Variants in PRR7 observed in about 807,000 individuals in gnomAD.
PRR7 encodes the protein proline-rich protein 7.
A neutral mutation model predicts 18.5 loss-of-function variants in PRR7; 8 were observed. The ratio of observed to expected loss-of-function variants is 0.43; its 90% CI spans 0.25 to 0.78. PRR7 has a LOEUF of 0.78. PRR7 is among the 30% of genes least tolerant of loss of function. The pLI, the probability that PRR7 is intolerant of heterozygous loss-of-function variation, is 0.22. For missense variants in PRR7, 396 were observed against 403.1 expected, an observed-to-expected ratio of 0.98 and a Z score of 0.15; for synonymous variants, 221 against 187.7, an observed-to-expected ratio of 1.18 and a Z score of -1.45.
chr5:177,453,179 T>C (rs1264631534), intron 1 of PRR7, among the ~76,000 whole-genome samples: 1 of 152,218 alleles, frequency 6.6e-6, no homozygotes, highest in African/African-American at 2.4e-5. Context: ...CCTTGAAAGA[T>C]ATTTCTAATT....
chr5:177,455,621 G>T lies in PRR7; in HGVS notation c.428-103G>T. 1 of 1,400,794 alleles carries T rather than the reference G, an allele frequency of 7.1e-7. No homozygotes were observed. Among genetic ancestry groups the T allele is most frequent in the South Asian group, 1.5e-5 (1 of 65,582 alleles). The allele number at this position is 1,400,794 out of a possible 1,614,324, so 86.8% of individuals were successfully genotyped here. A position where few individuals can be genotyped will look rare whatever the true frequency, so the allele number is the denominator to read the frequency against. On this transcript the variant is annotated intron_variant, in intron 3 of 3. Transcript: ENST00000323249. The surrounding 1 kb of genome is among the most constrained non-coding windows in gnomAD (Gnocchi z 6.9). The stretch of plus-strand genomic sequence containing the variant: ...GGAGAACACGGGCGGCGGCGGGCTC[G>T]GGTTCGGGCTAGGGCTGGGGCGCGG...
chr5:177,448,756 C>T lies in PRR7; in HGVS notation c.-325+1796C>T, dbSNP rs368096093. On this transcript the variant is annotated intron_variant, in intron 1 of 3. Transcript: ENST00000323249. The stretch of plus-strand genomic sequence containing the variant: ...CCCTTCTTCACTTCCTCCCTCCCTC[C>T]ATTTTCTCCGGTGAGACCAAGCAGC... Among the ~76,000 whole-genome samples, 211 of 152,346 alleles carry T rather than the reference C, an allele frequency of 1.4e-3. 1 individual carries two copies. Among genetic ancestry groups the T allele is most frequent in the African/African-American group, 4.4e-3 (181 of 41,582 alleles).
At position 177,455,671 on chromosome 5, in the gene PRR7, G is replaced by A. The variant is rs1272311010; in HGVS notation, c.428-53G>A. ...GGCGGCCCCTGGCCGGGGCCTCTGC[G>A]AGAGGCTGGGAACCGGCGGCCTCAC... On this transcript the variant is annotated intron_variant, in intron 3 of 3. Coordinates refer to ENST00000323249, the MANE Select transcript of PRR7 (RefSeq NM_030567.5). The surrounding 1 kb of genome is among the most constrained non-coding windows in gnomAD (Gnocchi z 6.9). The A allele has an allele frequency of 6.8e-7, 1 of 1,479,006 alleles. No individual in the cohort carries two copies. The highest frequency in any genetic ancestry group is 1.3e-5 in the South Asian group (1 of 74,252). 91.6% of individuals were successfully genotyped at this position (1,479,006 alleles called of 1,614,324 possible). A position where few individuals can be genotyped will look rare whatever the true frequency, so the allele number is the denominator to read the frequency against.
chr5:177,447,600 A>G (rs1484233472), intron 1 of PRR7: 1 of 129,816 alleles, frequency 7.7e-6, no homozygotes, highest in Non-Finnish European at 1.6e-5. Context: ...GGCCCTGGAC[A>G]TGGCCTGAGC....
Position 177,455,510 on chromosome 5 carries a change from C to T in PRR7, c.427+16C>T. The T allele has an allele frequency of 6.8e-7, 1 of 1,463,706 alleles. No individual in the cohort carries two copies. Among genetic ancestry groups the T allele is most frequent in the Non-Finnish European group, 8.9e-7 (1 of 1,119,336 alleles). 90.7% of individuals were successfully genotyped at this position (1,463,706 alleles called of 1,614,324 possible). A position where few individuals can be genotyped will look rare whatever the true frequency, so the allele number is the denominator to read the frequency against. Reference sequence around the variant, plus strand: ...CCGCGCCAAGGTGAGTACCGACCTCCGCCAGGGGGCGATCCGGGCCGCCGG... The same window carrying T: ...CCGCGCCAAGGTGAGTACCGACCTCTGCCAGGGGGCGATCCGGGCCGCCGG... On this transcript the variant is annotated intron_variant, in intron 3 of 3. Coordinates refer to ENST00000323249, the MANE Select transcript of PRR7 (RefSeq NM_030567.5). The surrounding 1 kb of genome is among the most constrained non-coding windows in gnomAD (Gnocchi z 6.9).
In PRR7 at chr5:177,449,604, A is replaced by G. The variant is rs1041115126; in HGVS notation, c.-325+2644A>G. Among the ~76,000 whole-genome samples, 2 of 152,200 alleles carry G rather than the reference A, an allele frequency of 1.3e-5. No individual in the cohort carries two copies. Among genetic ancestry groups the G allele is most frequent in the African/African-American group, 4.8e-5 (2 of 41,454 alleles). ...ATGCCAGCTGCGGGGATGAAGGCAC[A>G]GAGAGCCACAGGCTGAGGTTTCAGA... On this transcript the variant is annotated intron_variant, in intron 1 of 3. Transcript: ENST00000323249. This position sits in a 1 kb window ranked among gnomAD's most constrained non-coding sequence, Gnocchi z 4.2.
Position 177,455,868 on chromosome 5 carries a change from C to T in PRR7, c.572C>T (p.Ala191Val), listed in dbSNP as rs1554101815. 14 of 1,611,580 alleles carry T rather than the reference C, an allele frequency of 8.7e-6. No individual in the cohort carries two copies. Among genetic ancestry groups the T allele is most frequent in the Non-Finnish European group, 1.2e-5 (14 of 1,179,700 alleles). The change falls in exon 4 of 4, where the codon GCG (alanine) becomes GTG (valine). Residue 191 changes from alanine (A) to valine (V), a missense_variant. Physicochemically the swap from Ala to Val is moderately conservative, Grantham distance 64. This residue lies in a region of PRR7 where 383 missense variants were observed against 372.6 expected (regional missense o/e 1.03). Transcript: ENST00000323249. The surrounding 1 kb of genome is among the most constrained non-coding windows in gnomAD (Gnocchi z 6.9). ...VTPFLSRRDS[A>V]EKQEQPPPSY... ...CCCTTCCTGAGTCGCCGCGACAGCG[C>T]GGAGAAGCAGGAGCAGCCGCCTCCC...
Position 177,455,342 on chromosome 5 carries a change from CGCATCCGCACGTGCACGT to C in PRR7, c.279_296del (p.His95_Pro100del). The C allele has an allele frequency of 6.7e-7, 1 of 1,489,968 alleles. No homozygotes were observed. The highest frequency in any genetic ancestry group is 8.9e-7 in the Non-Finnish European group (1 of 1,128,602). 92.3% of individuals were successfully genotyped at this position (1,489,968 alleles called of 1,614,324 possible). A position where few individuals can be genotyped will look rare whatever the true frequency, so the allele number is the denominator to read the frequency against. ...CTGGAGGCGCCGGCTCACGCGCACTCGCATCCGCACGTGCACGTGCACCCGCTGCTGCACCACGGGCCC... is the reference window on the plus strand; with the variant it reads ...CTGGAGGCGCCGGCTCACGCGCACTCGCACCCGCTGCTGCACCACGGGCCC... On this transcript the variant is annotated inframe_deletion, in exon 3 of 4. Coordinates refer to ENST00000323249, the MANE Select transcript of PRR7 (RefSeq NM_030567.5). The surrounding 1 kb of genome is among the most constrained non-coding windows in gnomAD (Gnocchi z 6.9).
chr5:177,451,401 A>G (rs1276599857), intron 1 of PRR7, among the ~76,000 whole-genome samples: 2 of 90,454 alleles, frequency 2.2e-5, no homozygotes, highest in African/African-American at 9.2e-5. Flanking sequence ...TGTGGAGCCC[A>G]CCCTCAGGCA....
intron 1 of PRR7, chr5:177,447,612 G>A (rs1755961334): frequency 6.9e-6 from 1 of 144,684 alleles, no homozygotes; most frequent in Non-Finnish European, 1.5e-5. Context: ...GGCCTGAGCC[G>A]AGCTGGGTTC....
At chr5:177,451,956 T>G (rs577900856) in intron 1 of PRR7, among the ~76,000 whole-genome samples, 115 of 152,326 alleles carry the variant, frequency 7.5e-4, no homozygotes, top group African/African-American at 2.7e-3. Context: ...AGCTTCATCT[T>G]CACCGATGAG....
chr5:177,453,028 T>C (rs542105656), intron 1 of PRR7, among the ~76,000 whole-genome samples: 1 of 152,220 alleles, frequency 6.6e-6, no homozygotes, highest in African/African-American at 2.4e-5. Context: ...GGATTCAGAC[T>C]CAGGCTAAAT....
Position 177,455,596 on chromosome 5 carries a change from G to A in PRR7, c.427+102G>A, listed in dbSNP as rs1434103622. 3.6e-6 allele frequency: 5 copies of A among 1,403,724 alleles called. No individual in the cohort carries two copies. In the East Asian group the frequency reaches 1.1e-4, roughly 31 times the overall value. 87.0% of individuals were successfully genotyped at this position (1,403,724 alleles called of 1,614,324 possible). A position where few individuals can be genotyped will look rare whatever the true frequency, so the allele number is the denominator to read the frequency against. On this transcript the variant is annotated intron_variant, in intron 3 of 3. Coordinates refer to ENST00000323249, the MANE Select transcript of PRR7 (RefSeq NM_030567.5). The surrounding 1 kb of genome is among the most constrained non-coding windows in gnomAD (Gnocchi z 6.9). ...TCAGGGCTTCCATCCGCAGCCTCCG[G>A]GAGAACACGGGCGGCGGCGGGCTCG... is the stretch of plus-strand genomic sequence containing the variant.
Position 177,455,980 on chromosome 5 carries a change from C to G in PRR7, c.684C>G (p.Ala228=). The G allele has an allele frequency of 6.3e-7, 1 of 1,590,194 alleles. No homozygotes were observed. ...CTCGGCCCGCGCCGCCCTGCCCAGC[C>G]CTCTGCCTGCAGGCCGACCGTGGCC... is the stretch of plus-strand genomic sequence containing the variant. The part of the protein sequence containing the change: ...SAPRPAPPCP[A]LCLQADRGRR... Residue 228 remains alanine, a synonymous_variant, in exon 4 of 4, where the codon GCC becomes GCG. Transcript: ENST00000323249. The surrounding 1 kb of genome is among the most constrained non-coding windows in gnomAD (Gnocchi z 6.9).
In PRR7 at chr5:177,454,324, C is replaced by T. The variant is rs908170730; in HGVS notation, c.-240+284C>T. On this transcript the variant is annotated intron_variant, in intron 2 of 3. Coordinates refer to ENST00000323249, the MANE Select transcript of PRR7 (RefSeq NM_030567.5). This position sits in a 1 kb window ranked among gnomAD's most constrained non-coding sequence, Gnocchi z 4.7. ...CCCCCTACGGGAGCGGCGGGAGACC[C>T]GGAGGGCGCGGTGCGGAGCCAGTTG... Among the ~76,000 whole-genome samples the T allele has an allele frequency of 7.2e-5, 11 of 152,344 alleles. No homozygotes were observed. In the East Asian group the frequency reaches 2.1e-3, roughly 29 times the overall value.
intron 1 of PRR7, among the ~76,000 whole-genome samples, chr5:177,451,435 G>T: frequency 6.0e-5 from 1 of 16,804 alleles, no homozygotes; most frequent in Non-Finnish European, 1.6e-4. Context: ...AGCCTGCTTC[G>T]GAGAGTGAGT....
chr5:177,455,139 C>A lies in PRR7; in HGVS notation c.72C>A (p.Ile24=). The A allele has an allele frequency of 6.4e-7, 1 of 1,551,676 alleles. No individual in the cohort carries two copies. The highest frequency in any genetic ancestry group is 8.7e-7 in the Non-Finnish European group (1 of 1,152,160). The change falls in exon 3 of 4, where the codon ATC becomes ATA. Residue 24 remains isoleucine, a synonymous_variant. Coordinates refer to ENST00000323249, the MANE Select transcript of PRR7 (RefSeq NM_030567.5). This position sits in a 1 kb window ranked among gnomAD's most constrained non-coding sequence, Gnocchi z 6.9. ...GCTTCTGGCTCATCTGGGGTCTCAT[C>A]GTCCTGCTCTGCTGCTTCTGCAGCT... ...FAGFWLIWGL[I]VLLCCFCSFL... is the part of the protein sequence containing the mutation.
chr5:177,447,850 C>T (rs1755974022), intron 1 of PRR7, among the ~76,000 whole-genome samples: 3 of 152,214 alleles, frequency 2.0e-5, no homozygotes, highest in South Asian at 4.1e-4. Context: ...AGCGACCCAG[C>T]CCATTGTCTG....
rs1468869666 is a variant in PRR7, at chr5:177,454,531, C to G, written c.-239-298C>G. On this transcript the variant is annotated intron_variant, in intron 2 of 3. Transcript: ENST00000323249. The surrounding 1 kb of genome is among the most constrained non-coding windows in gnomAD (Gnocchi z 4.7). ...CCTTTGGCCCCGGGACTGCGGATGG[C>G]GAATCTCTCGTTCGGACTCAGAGCT... 3.9e-5 allele frequency among the ~76,000 whole-genome samples: 6 copies of G among 152,166 alleles called. No individual in the cohort carries two copies. Among genetic ancestry groups the G allele is most frequent in the African/African-American group, 7.2e-5 (3 of 41,460 alleles).
Sources: gnomAD v4.1 joint callset for allele counts (sites outside exome capture counted in the v4.1 genomes callset) on GRCh38, gnomAD v4.1.1 for gene constraint, gnomAD v4.1.1 regional missense constraint, Gnocchi (gnomAD v3.1) non-coding constraint, MANE v1.5 for transcripts, NCBI Gene and HGNC (gene_info 2026-07-23, HGNC 2026-07-21) for gene names.